Variants in MORC2 observed in about 807,000 individuals in gnomAD.
MORC2 encodes ATPase MORC2.
Under a neutral mutation model 136.0 loss-of-function variants are expected in MORC2, and 30 were observed. The ratio of observed to expected loss-of-function variants is 0.22; its 90% CI spans 0.17 to 0.30. The LOEUF is 0.30. Ranked by LOEUF, MORC2 falls within the 10% of genes least tolerant of loss-of-function variation. The pLI is 1.00. For missense variants in MORC2, 922 were observed against 1,333.1 expected (o/e 0.69, Z 4.80); for synonymous variants, 439 against 487.0 (o/e 0.90, Z 1.30).
chr22:30,947,745 G>A (rs911746960), intron 5 of MORC2, among the ~76,000 whole-genome samples: 3 of 152,280 alleles, frequency 2.0e-5, no homozygotes, highest in South Asian at 2.1e-4. Context: ...AGTAAGGCAC[G>A]TTATCTTGCC....
Position 30,935,096 on chromosome 22 carries a change from G to A in MORC2, c.1878C>T (p.Pro626=). 8 of 1,613,838 alleles carry A rather than the reference G, an allele frequency of 5.0e-6. No homozygotes were observed. Among genetic ancestry groups the A allele is most frequent in the Non-Finnish European group, 6.8e-6 (8 of 1,179,982 alleles). Reference sequence around the variant, plus strand: ...GAGTTGGCAAAGAAGGGGGTCTGCTGGGGGCGTTCCTGATCACAGCAGGTA... The same window carrying A: ...GAGTTGGCAAAGAAGGGGGTCTGCTAGGGGCGTTCCTGATCACAGCAGGTA... The part of the protein sequence containing the change: ...PPLPAVIRNA[P]SRPPSLPTPR... The change falls in exon 19 of 26, where the codon CCC becomes CCT. Residue 626 remains proline, a synonymous_variant. Coordinates refer to ENST00000397641, the MANE Select transcript of MORC2 (RefSeq NM_001303256.3).
In MORC2 at chr22:30,942,141, G is replaced by A. The variant is rs1463459057; in HGVS notation, c.557C>T (p.Thr186Ile). ...GTCCCCAGGAATCTTCATAAACTGGGTCATCACTTCCTCCTCAGTGCGGAA... is the reference window on the plus strand; with the variant it reads ...GTCCCCAGGAATCTTCATAAACTGGATCATCACTTCCTCCTCAGTGCGGAA... ...SPFRTEEEVM[T>I]QFMKIPGDSG... is the part of the protein sequence containing the mutation. Residue 186 changes from threonine (T) to isoleucine (I), a missense_variant, in exon 7 of 26, where the codon ACC (threonine) becomes ATC (isoleucine). Physicochemically the swap from Thr to Ile is moderately conservative, Grantham distance 89. This residue lies in a region of MORC2 where 261 missense variants were observed against 354.3 expected (regional missense o/e 0.74). Coordinates refer to ENST00000397641, the MANE Select transcript of MORC2 (RefSeq NM_001303256.3). 2 of 1,614,004 alleles carry A rather than the reference G, an allele frequency of 1.2e-6. No homozygotes were observed. Among genetic ancestry groups the A allele is most frequent in the Non-Finnish European group, 1.7e-6 (2 of 1,179,902 alleles).
At position 30,946,455 on chromosome 22, in the gene MORC2, A is replaced by G; in HGVS notation, c.318-6T>C. 1 of 1,603,952 alleles carries G rather than the reference A, an allele frequency of 6.2e-7. No homozygotes were observed. Among genetic ancestry groups the G allele is most frequent in the South Asian group, 1.1e-5 (1 of 89,418 alleles). On this transcript the variant is annotated splice_region_variant and splice_polypyrimidine_tract_variant and intron_variant, in intron 5 of 25. Transcript: ENST00000397641. ...TCCCAATGCGCATTGAGCCCCTGAA[A>G]AGGAAACAGAAATGGGTGTTATTCT... is the stretch of plus-strand genomic sequence containing the variant.
At chr22:30,938,014 C>A (rs745740843) in intron 13 of MORC2, 45 bp from the exon 14 acceptor site, 1 of 1,613,838 alleles carries the variant, frequency 6.2e-7, no homozygotes, top group Non-Finnish European at 8.5e-7. Flanking sequence ...ACTGGCAACG[C>A]CCTCCTGCCA....
chr22:30,940,937 T>A, intron 9 of MORC2, 100 bp from the exon 10 acceptor site: 3 of 974,472 alleles, frequency 3.1e-6, no homozygotes, highest in Non-Finnish European at 5.0e-6. Context: ...CCTCCCAAGC[T>A]GTGCTGTCCT....
intron 21 of MORC2, 69 bp from the exon 22 acceptor site, chr22:30,933,099 C>T (rs1034629191): frequency 1.3e-5 from 21 of 1,590,970 alleles, no homozygotes; most frequent in South Asian, 2.2e-5. Context: ...TGGGCCACAT[C>T]GAGAAAGGCA....
At chr22:30,933,563 C>A in intron 20 of MORC2, 43 bp from the exon 21 acceptor site, 2 of 1,605,424 alleles carry the variant, frequency 1.2e-6, no homozygotes, top group Non-Finnish European at 1.7e-6. Flanking sequence ...CAGTGCCCCC[C>A]AAGAGCAGAC....
At chr22:30,965,344 C>T (rs879273611) in intron 1 of MORC2, among the ~76,000 whole-genome samples, 1 of 152,188 alleles carries the variant, frequency 6.6e-6, no homozygotes, top group Admixed American at 6.5e-5. Flanking sequence ...CCACTTTACA[C>T]ACAGGTGGTT....
chr22:30,951,592 C>G (rs1439371348), intron 3 of MORC2, among the ~76,000 whole-genome samples: 1 of 152,198 alleles, frequency 6.6e-6, no homozygotes, highest in Non-Finnish European at 1.5e-5. Context: ...GGAAAGAGGT[C>G]TGTGTAAGGT....
intron 1 of MORC2, among the ~76,000 whole-genome samples, chr22:30,959,770 G>C (rs2041016894): frequency 6.6e-6 from 1 of 152,148 alleles, no homozygotes; most frequent in South Asian, 2.1e-4. Context: ...AAAAGTTTCA[G>C]CCAATTTTCA....
chr22:30,931,159 C>T (rs938970647), intron 24 of MORC2, among the ~76,000 whole-genome samples: 1 of 152,180 alleles, frequency 6.6e-6, no homozygotes, highest in African/African-American at 2.4e-5. Flanking sequence ...ATCTCCCATC[C>T]ACCCATTCTA....
intron 5 of MORC2, among the ~76,000 whole-genome samples, chr22:30,947,944 C>T (rs1356718172): frequency 2.0e-5 from 3 of 152,196 alleles, no homozygotes; most frequent in Non-Finnish European, 4.4e-5. Flanking sequence ...ACTTATTCAA[C>T]TTCTGAATTG....
intron 1 of MORC2, among the ~76,000 whole-genome samples, chr22:30,962,122 C>T (rs1055187886): frequency 2.6e-5 from 4 of 151,296 alleles, no homozygotes; most frequent in African/African-American, 4.9e-5. Flanking sequence ...CGCTTGAACC[C>T]GGGAGGTAGA....
At chr22:30,939,549 A>G in intron 12 of MORC2, 72 bp downstream of exon 12, 1 of 1,457,006 alleles carries the variant, frequency 6.9e-7, no homozygotes, top group Non-Finnish European at 9.5e-7. Context: ...TGGTGACAGA[A>G]TAGCAACCTG....
In MORC2 at chr22:30,941,809, C is replaced by T. The variant is rs1602491164; in HGVS notation, c.698+82G>A. The T allele has an allele frequency of 1.6e-6, 2 of 1,289,572 alleles. No individual in the cohort carries two copies. The highest frequency in any genetic ancestry group is 2.2e-6 in the Non-Finnish European group (2 of 898,084). The allele number at this position is 1,289,572 out of a possible 1,614,324, so 79.9% of individuals were successfully genotyped here. A position where few individuals can be genotyped will look rare whatever the true frequency, so the allele number is the denominator to read the frequency against. On this transcript the variant is annotated intron_variant, in intron 8 of 25. Coordinates refer to ENST00000397641, the MANE Select transcript of MORC2 (RefSeq NM_001303256.3). This position sits in a 1 kb window ranked among gnomAD's most constrained non-coding sequence, Gnocchi z 4.6. ...CACAGAACACTGGGCAATGAATGTG[C>T]TCTCCCCTCTTTCCCTGAAGCCATC...
intron 6 of MORC2, among the ~76,000 whole-genome samples, chr22:30,942,641 C>T (rs1966136472): frequency 6.6e-6 from 1 of 152,080 alleles, no homozygotes; most frequent in African/African-American, 2.4e-5. Context: ...TAACCTAAAA[C>T]TCAGCAATTC....
At chr22:30,933,142 G>A (rs1695227108) in intron 21 of MORC2, 112 bp from the exon 22 acceptor site, 1 of 1,459,654 alleles carries the variant, frequency 6.9e-7, no homozygotes, top group Non-Finnish European at 9.3e-7. Flanking sequence ...GAACACTTAG[G>A]TGCTTGCCCC....
At chr22:30,964,314 G>C (rs1005845308) in intron 1 of MORC2, among the ~76,000 whole-genome samples, 2 of 152,014 alleles carry the variant, frequency 1.3e-5, no homozygotes, top group Admixed American at 6.5e-5. Flanking sequence ...GCGAGATGGT[G>C]CCACTGCACT....
At chr22:30,963,408 T>TG (rs2041079326) in intron 1 of MORC2, 1 of 706,760 alleles carries the variant, frequency 1.4e-6, no homozygotes, top group South Asian at 6.3e-5. Context: ...TTTTGAGAGA[T>TG]GGAGTCTTGC....
Sources: allele counts gnomAD v4.1 joint callset (sites outside exome capture counted in the v4.1 genomes callset), GRCh38; gene constraint gnomAD v4.1.1; regional missense constraint gnomAD v4.1.1; non-coding constraint Gnocchi (gnomAD v3.1); transcripts MANE v1.5; gene names NCBI Gene and HGNC (gene_info 2026-07-23, HGNC 2026-07-21).